SGCZ: variants seen among roughly 807,000 people sequenced by gnomAD.
SGCZ encodes the protein sarcoglycan zeta.
In SGCZ, 40 loss-of-function variants were observed where a neutral mutation model predicts 41.3. That is an observed-to-expected ratio of 0.97 (90% CI 0.75 to 1.26). The LOEUF (loss-of-function observed/expected upper bound fraction) is 1.26. Among genes scored for constraint, SGCZ ranks in the 50% most tolerant of loss-of-function variants. The probability of loss-of-function intolerance (pLI) is 0.00; values close to 1 mark genes in which losing one functional copy is unlikely to be tolerated. For missense variants in SGCZ, 552 were observed against 369.8 expected (o/e 1.49, Z -4.04); for synonymous variants, 206 against 137.5 (o/e 1.50, Z -3.49).
At chr8:14,769,987 G>A (rs566423401) in intron 1 of SGCZ, among the ~76,000 whole-genome samples, 8 of 151,762 alleles carry the variant, frequency 5.3e-5, no homozygotes, top group South Asian at 2.1e-4. Context: ...ACCACCACTC[G>A]TGGTTCCTGA....
At position 15,150,882 on chromosome 8, in the gene SGCZ, G is replaced by T. The variant is rs1799160038; in HGVS notation, c.39+86703C>A. ...AGTCTGGTGGGTAGTCTCTAAAATG[G>T]CCTCCAGTGATTTTTGCCCTCTCAT... On this transcript the variant is annotated intron_variant, in intron 1 of 7. Coordinates refer to ENST00000382080, the MANE Select transcript of SGCZ (RefSeq NM_139167.4). Among the ~76,000 whole-genome samples the T allele has an allele frequency of 6.6e-5, 10 of 152,186 alleles. No individual in the cohort carries two copies. The South Asian group carries it at 1.7e-3, about 25-fold the overall frequency.
intron 1 of SGCZ, among the ~76,000 whole-genome samples, chr8:14,714,794 G>C (rs767627124): frequency 6.6e-6 from 1 of 152,126 alleles, no homozygotes; most frequent in Non-Finnish European, 1.5e-5. Context: ...TGGAATTTTT[G>C]TGCTTCTAGA....
At chr8:14,654,685 C>T (rs1034394744) in intron 1 of SGCZ, among the ~76,000 whole-genome samples, 4 of 151,994 alleles carry the variant, frequency 2.6e-5, no homozygotes, top group African/African-American at 9.7e-5. Flanking sequence ...GATTCTCCTG[C>T]CTCAGCCTCC....
chr8:14,544,175 C>T (rs936141727), intron 2 of SGCZ, among the ~76,000 whole-genome samples: 1 of 152,074 alleles, frequency 6.6e-6, no homozygotes, highest in Non-Finnish European at 1.5e-5. Context: ...TTAATATGGA[C>T]ATTTATCAGT....
At chr8:14,836,119 TCC>T (rs1802694695) in intron 1 of SGCZ, among the ~76,000 whole-genome samples, 2 of 151,804 alleles carry the variant, frequency 1.3e-5, no homozygotes, top group South Asian at 4.2e-4. Context: ...TTTTACTGCC[TCC>T]CCCACACCTC....
At chr8:14,369,021 A>ATGTGTGTGTG (rs10655274) in intron 2 of SGCZ, among the ~76,000 whole-genome samples, 4,930 of 145,442 alleles carry the variant, frequency 0.034, 115 homozygotes, top group Middle Eastern at 0.094. Context: ...GCAAATGTAA[A>ATGTGTGTGTG]TGTGTGTGTG....
rs1439533515 is a variant in SGCZ, at chr8:14,740,653, C to T, written c.40-185727G>A. 2.0e-5 allele frequency among the ~76,000 whole-genome samples: 3 copies of T among 152,136 alleles called. No individual in the cohort carries two copies. In the East Asian group the frequency reaches 5.8e-4, roughly 30 times the overall value. On this transcript the variant is annotated intron_variant, in intron 1 of 7. Transcript: ENST00000382080. The stretch of plus-strand genomic sequence containing the variant: ...GTGCCACACAGTTCATATTAGTCAA[C>T]TCTGTGCTTTCTCAGTCGTCCTGGG...
intron 1 of SGCZ, among the ~76,000 whole-genome samples, chr8:15,020,615 G>T (rs1298293783): frequency 1.3e-5 from 2 of 152,210 alleles, no homozygotes; most frequent in East Asian, 3.9e-4. Flanking sequence ...CTATTATAGT[G>T]CAGGAAGGGA....
chr8:15,117,104 G>A (rs1385931715), intron 1 of SGCZ, among the ~76,000 whole-genome samples: 3 of 152,328 alleles, frequency 2.0e-5, no homozygotes, highest in East Asian at 1.9e-4. Context: ...GGGCGCAGTG[G>A]CTCATGCCTG....
At chr8:14,938,377 C>G (rs1450721016) in intron 1 of SGCZ, among the ~76,000 whole-genome samples, 2 of 152,132 alleles carry the variant, frequency 1.3e-5, no homozygotes, top group Non-Finnish European at 2.9e-5. Flanking sequence ...CCAATCCCTC[C>G]TCTTCCTCCT....
intron 1 of SGCZ, among the ~76,000 whole-genome samples, chr8:15,193,433 A>T (rs1050730053): frequency 6.6e-6 from 1 of 152,008 alleles, no homozygotes; most frequent in East Asian, 1.9e-4. Context: ...TGTGTTAATC[A>T]CTGTTTTAAG....
chr8:14,234,475 T>A (rs1176053950), intron 4 of SGCZ, among the ~76,000 whole-genome samples: 1 of 152,062 alleles, frequency 6.6e-6, no homozygotes, highest in Non-Finnish European at 1.5e-5. Context: ...AATTGTTATG[T>A]TTTTAGAATT....
chr8:14,443,146 C>A (rs11780901), intron 2 of SGCZ, among the ~76,000 whole-genome samples: 14,572 of 152,026 alleles, frequency 0.096, 824 homozygotes, highest in Non-Finnish European at 0.14. Context: ...AACCACTGCT[C>A]AAGGAAATAA....
chr8:14,365,764 T>G (rs1364610152), intron 2 of SGCZ, among the ~76,000 whole-genome samples: 2 of 152,152 alleles, frequency 1.3e-5, no homozygotes, highest in African/African-American at 4.8e-5. Context: ...ATTTTGTTTT[T>G]CCAAAAATTT....
intron 4 of SGCZ, among the ~76,000 whole-genome samples, chr8:14,233,289 A>G (rs1021383095): frequency 6.6e-6 from 1 of 151,960 alleles, no homozygotes; most frequent in Non-Finnish European, 1.5e-5. Flanking sequence ...AAGAAAAAGC[A>G]ATATATAGCT....
At chr8:14,549,664 G>A (rs927986346) in intron 2 of SGCZ, among the ~76,000 whole-genome samples, 35 of 151,964 alleles carry the variant, frequency 2.3e-4, no homozygotes, top group African/African-American at 8.2e-4. Context: ...AGGAGAAGAG[G>A]TACATATTTG....
At chr8:14,512,809 T>G (rs1802505208) in intron 2 of SGCZ, among the ~76,000 whole-genome samples, 1 of 151,980 alleles carries the variant, frequency 6.6e-6, no homozygotes, top group African/African-American at 2.4e-5. Flanking sequence ...TTTAAGAACC[T>G]GAAGGAACTT....
At chr8:15,134,266 T>C (rs996291772) in intron 1 of SGCZ, among the ~76,000 whole-genome samples, 1 of 151,508 alleles carries the variant, frequency 6.6e-6, no homozygotes, top group African/African-American at 2.4e-5. Flanking sequence ...AACATAACTT[T>C]GGTATTTAAA....
intron 5 of SGCZ, among the ~76,000 whole-genome samples, chr8:14,133,604 G>A (rs1462080927): frequency 6.6e-6 from 1 of 152,146 alleles, no homozygotes; most frequent in Non-Finnish European, 1.5e-5. Context: ...GAACAGGATT[G>A]GGTAGGACAA....
Sources: gnomAD v4.1 joint callset for allele counts (sites outside exome capture counted in the v4.1 genomes callset) on GRCh38, gnomAD v4.1.1 for gene constraint, MANE v1.5 for transcripts, NCBI Gene and HGNC (gene_info 2026-07-23, HGNC 2026-07-21) for gene names.